SLC39A11: variants seen among roughly 807,000 people sequenced by gnomAD.
SLC39A11 encodes solute carrier family 39 member 11.
SLC39A11 carries 33 observed loss-of-function variants against 36.1 expected under a neutral mutation model. The ratio of observed to expected loss-of-function variants is 0.91; its 90% CI spans 0.69 to 1.22. SLC39A11 has a LOEUF of 1.22. Among genes scored for constraint, SLC39A11 ranks in the 50% most tolerant of loss-of-function variants. SLC39A11 has a pLI of 0.00. For synonymous variants in SLC39A11, 166 were observed against 170.3 expected, an observed-to-expected ratio of 0.97 and a Z score of 0.20; for missense variants, 432 against 430.3, an observed-to-expected ratio of 1.00 and a Z score of -0.03.
intron 5 of SLC39A11, among the ~76,000 whole-genome samples, chr17:72,904,846 A>C (rs2082567825): frequency 6.6e-6 from 1 of 152,170 alleles, no homozygotes; most frequent in Admixed American, 6.5e-5. Flanking sequence ...GGAAAAGCTC[A>C]CCAGTCCCAT....
chr17:72,871,056 G>GTTTTTTT (rs34776144), intron 5 of SLC39A11, among the ~76,000 whole-genome samples: 1 of 124,312 alleles, frequency 8.0e-6, no homozygotes, highest in Non-Finnish European at 1.7e-5. Flanking sequence ...TTTTGTTTTT[G>GTTTTTTT]TTTTTTTTTT....
chr17:72,680,152 T>C (rs918934232), intron 7 of SLC39A11, among the ~76,000 whole-genome samples: 6 of 151,708 alleles, frequency 4.0e-5, no homozygotes, highest in Admixed American at 3.9e-4. Context: ...ATTTAGTGTA[T>C]ATTCACAGTG....
chr17:72,867,263 G>A (rs1244377545), intron 5 of SLC39A11, among the ~76,000 whole-genome samples: 3 of 152,160 alleles, frequency 2.0e-5, no homozygotes, highest in African/African-American at 7.2e-5. Flanking sequence ...ACTTTAGGAG[G>A]CCAAGGCAGG....
chr17:73,029,121 C>A (rs35038452), intron 4 of SLC39A11, among the ~76,000 whole-genome samples: 117,604 of 145,878 alleles, frequency 0.81, 50,698 homozygotes, highest in Middle Eastern at 0.96. Context: ...CCGTCACACA[C>A]ACACAAAAAA....
chr17:72,651,500 G>A (rs935952335), intron 7 of SLC39A11, among the ~76,000 whole-genome samples: 1 of 152,222 alleles, frequency 6.6e-6, no homozygotes, highest in African/African-American at 2.4e-5. Flanking sequence ...CAGGACAGGA[G>A]TAACAAAACA....
chr17:72,782,439 T>C (rs1356044319), intron 6 of SLC39A11, among the ~76,000 whole-genome samples: 1 of 152,024 alleles, frequency 6.6e-6, no homozygotes, highest in Non-Finnish European at 1.5e-5. Flanking sequence ...ACTGATTCAC[T>C]AGCCAAGTCC....
In SLC39A11 at chr17:72,879,257, G is replaced by C. The variant is rs113946214; in HGVS notation, c.431-29453C>G. 4.9e-3 allele frequency among the ~76,000 whole-genome samples: 739 copies of C among 152,288 alleles called. 4 individuals carry two copies. The highest frequency in any genetic ancestry group is 0.017 in the African/African-American group (712 of 41,550). ...AGCCCAGAGGTCAGGAGGTGAGATT[G>C]AAAGTCCCAACCTTCTAATCATGCC... On this transcript the variant is annotated intron_variant, in intron 5 of 9. Transcript: ENST00000255559.
intron 5 of SLC39A11, among the ~76,000 whole-genome samples, chr17:72,925,422 G>T (rs868523139): frequency 6.6e-6 from 1 of 152,198 alleles, no homozygotes; most frequent in African/African-American, 2.4e-5. Flanking sequence ...AGGGAAGACT[G>T]TAGCAGACTG....
chr17:72,660,068 A>C (rs1219983840), intron 7 of SLC39A11, among the ~76,000 whole-genome samples: 1 of 152,176 alleles, frequency 6.6e-6, no homozygotes, highest in Non-Finnish European at 1.5e-5. Context: ...TGAGTTACTC[A>C]GGGGTGTTCC....
At chr17:72,689,996 T>C (rs184604916) in intron 7 of SLC39A11, among the ~76,000 whole-genome samples, 77 of 152,180 alleles carry the variant, frequency 5.1e-4, no homozygotes, top group African/African-American at 1.8e-3. Context: ...CACCGAGCGC[T>C]GTGTGAGGGG....
chr17:72,999,227 T>G (rs942625764), intron 4 of SLC39A11, among the ~76,000 whole-genome samples: 6 of 152,252 alleles, frequency 3.9e-5, no homozygotes, highest in Admixed American at 6.5e-5. Context: ...AGATTTCAAT[T>G]ATCCAAATTA....
At chr17:73,065,306 G>A (rs574578303) in intron 3 of SLC39A11, among the ~76,000 whole-genome samples, 3 of 152,306 alleles carry the variant, frequency 2.0e-5, no homozygotes, top group Non-Finnish European at 4.4e-5. Context: ...TCGGGAGGCT[G>A]AGGCAGGAGA....
intron 5 of SLC39A11, among the ~76,000 whole-genome samples, chr17:72,884,967 T>A (rs574236924): frequency 6.6e-6 from 1 of 152,208 alleles, no homozygotes; most frequent in Non-Finnish European, 1.5e-5. Context: ...ATACTTAACT[T>A]TCTTCAGATT....
chr17:72,994,963 C>T (rs760902528), intron 4 of SLC39A11, among the ~76,000 whole-genome samples: 3 of 152,184 alleles, frequency 2.0e-5, no homozygotes, highest in Non-Finnish European at 2.9e-5. Context: ...TTAGGTAAGA[C>T]CCTGCCCTAA....
rs138595712 is a variant in SLC39A11, at chr17:72,673,759, G to A, written c.672-24491C>T. Among the ~76,000 whole-genome samples, 89 of 152,148 alleles carry A rather than the reference G, an allele frequency of 5.8e-4. 2 individuals are homozygous for A. The East Asian group carries it at 0.015, about 25-fold the overall frequency. The stretch of plus-strand genomic sequence containing the variant: ...TGAAACACTTCTGTAAGAAACAGTC[G>A]GAGTTATTCAAGAAGGGAAACTTGG... On this transcript the variant is annotated intron_variant, in intron 7 of 9. Coordinates refer to ENST00000255559, the MANE Select transcript of SLC39A11 (RefSeq NM_139177.4).
At chr17:72,973,554 A>G (rs1173247113) in intron 4 of SLC39A11, among the ~76,000 whole-genome samples, 1 of 152,076 alleles carries the variant, frequency 6.6e-6, no homozygotes, top group African/African-American at 2.4e-5. Flanking sequence ...AGACAAAAGG[A>G]TAAGTGGATT....
intron 6 of SLC39A11, among the ~76,000 whole-genome samples, chr17:72,744,738 G>C (rs964270162): frequency 1.4e-4 from 22 of 152,138 alleles, no homozygotes; most frequent in African/African-American, 5.3e-4. Context: ...TTTTATATAG[G>C]CATTAATCCC....
intron 6 of SLC39A11, among the ~76,000 whole-genome samples, chr17:72,749,202 G>A (rs1357520756): frequency 1.3e-5 from 2 of 152,134 alleles, no homozygotes; most frequent in African/African-American, 4.8e-5. Context: ...TGAAATCCCT[G>A]TGCCCTTTGA....
Position 72,673,318 on chromosome 17 carries a change from T to G in SLC39A11, c.672-24050A>C, listed in dbSNP as rs1468764262. 5.3e-5 allele frequency among the ~76,000 whole-genome samples: 8 copies of G among 152,080 alleles called. No homozygotes were observed. The East Asian group carries it at 1.6e-3, about 30-fold the overall frequency. On this transcript the variant is annotated intron_variant, in intron 7 of 9. Coordinates refer to ENST00000255559, the MANE Select transcript of SLC39A11 (RefSeq NM_139177.4). ...CGGGGTTTCACCATGTTGGCCAGGCTGGTCTCCAACTCCTGACCTAGTGAT... is the reference window on the plus strand; with the variant it reads ...CGGGGTTTCACCATGTTGGCCAGGCGGGTCTCCAACTCCTGACCTAGTGAT...
Sources: gnomAD v4.1 joint callset for allele counts (sites outside exome capture counted in the v4.1 genomes callset) on GRCh38, gnomAD v4.1.1 for gene constraint, MANE v1.5 for transcripts, NCBI Gene and HGNC (gene_info 2026-07-23, HGNC 2026-07-21) for gene names.